Variants in CUBN observed in about 807,000 individuals in gnomAD.
CUBN encodes the protein cubilin.
A neutral mutation model predicts 405.3 loss-of-function variants in CUBN; 282 were observed. That is an observed-to-expected ratio of 0.70 (90% CI 0.63 to 0.77). The LOEUF (loss-of-function observed/expected upper bound fraction) is 0.77. Ranked by LOEUF, CUBN falls within the 30% of genes least tolerant of loss-of-function variation. The pLI is 0.00. For missense variants in CUBN, 4,514 were observed against 4,475.2 expected (o/e 1.01, Z -0.25); for synonymous variants, 1,684 against 1,617.0 (o/e 1.04, Z -0.99).
intron 66 of CUBN, among the ~76,000 whole-genome samples, chr10:16,827,107 T>C (rs982038418): frequency 6.6e-6 from 1 of 152,180 alleles, no homozygotes; most frequent in Non-Finnish European, 1.5e-5. Context: ...AATGTAACTA[T>C]ATGTATAAAG....
chr10:16,891,887 A>C (rs1197957369), intron 54 of CUBN, among the ~76,000 whole-genome samples: 4 of 151,810 alleles, frequency 2.6e-5, no homozygotes, highest in East Asian at 3.9e-4. Flanking sequence ...ATTGCTACAC[A>C]ATCTGCAATA....
chr10:17,055,576 T>C (rs534520544), intron 22 of CUBN, among the ~76,000 whole-genome samples: 5 of 152,094 alleles, frequency 3.3e-5, no homozygotes, highest in Admixed American at 6.6e-5. Context: ...GACTGCAGAA[T>C]ACAAGATATG....
At chr10:16,889,910 C>T (rs1373239835) in intron 55 of CUBN, among the ~76,000 whole-genome samples, 1 of 128,458 alleles carries the variant, frequency 7.8e-6, no homozygotes, top group African/African-American at 3.9e-5. Context: ...GCACTCCAGC[C>T]TGGCGACAGA....
Position 16,892,167 on chromosome 10 carries a change from A to T in CUBN, c.8599-1640T>A, listed in dbSNP as rs558425338. 5.9e-5 allele frequency among the ~76,000 whole-genome samples: 9 copies of T among 152,338 alleles called. No individual in the cohort carries two copies. In the East Asian group the frequency reaches 1.7e-3, roughly 29 times the overall value. On this transcript the variant is annotated intron_variant, in intron 54 of 66. Transcript: ENST00000377833. The stretch of plus-strand genomic sequence containing the variant: ...TGGTTTAATAATTCTCAGCTCTTTA[A>T]AGCCGTATTGTTTCAATTGATTTTT...
chr10:16,889,497 C>T (rs891751026), intron 55 of CUBN, among the ~76,000 whole-genome samples: 11 of 152,184 alleles, frequency 7.2e-5, no homozygotes, highest in African/African-American at 1.9e-4. Context: ...TAATAGTGTA[C>T]AATAGCTAGA....
At chr10:16,936,765 C>A (rs541935477) in intron 39 of CUBN, among the ~76,000 whole-genome samples, 2 of 152,210 alleles carry the variant, frequency 1.3e-5, no homozygotes, top group African/African-American at 4.8e-5. Context: ...CAGGCTGGAG[C>A]GCAGTGGCAT....
chr10:17,015,596 C>T lies in CUBN; in HGVS notation c.4168+4237G>A, dbSNP rs188401987. 6.6e-5 allele frequency among the ~76,000 whole-genome samples: 10 copies of T among 152,254 alleles called. No homozygotes were observed. In the East Asian group the frequency reaches 1.2e-3, roughly 18 times the overall value. On this transcript the variant is annotated intron_variant, in intron 28 of 66. Transcript: ENST00000377833. ...GTCCAGGAGGAAGTCAATTTCCTGG[C>T]CCTCAATGGTTAAATGTAACCGGGG... is the stretch of plus-strand genomic sequence containing the variant.
intron 31 of CUBN, among the ~76,000 whole-genome samples, chr10:16,975,272 G>C (rs1238797191): frequency 6.6e-6 from 1 of 152,184 alleles, no homozygotes; most frequent in African/African-American, 2.4e-5. Flanking sequence ...TCACATTTGA[G>C]GTTTCACTCC....
intron 8 of CUBN, among the ~76,000 whole-genome samples, chr10:17,113,542 T>C (rs1588651405): frequency 6.6e-6 from 1 of 152,174 alleles, no homozygotes; most frequent in African/African-American, 2.4e-5. Context: ...ACTCAACATA[T>C]GGCATCCCTG....
intron 22 of CUBN, among the ~76,000 whole-genome samples, chr10:17,051,375 A>AACAAT (rs1835264416): frequency 1.3e-5 from 2 of 152,148 alleles, no homozygotes; most frequent in African/African-American, 4.8e-5. Flanking sequence ...AACAAAACAA[A>AACAAT]AAATGAGAAA....
At chr10:17,035,257 A>C (rs2131808545) in intron 27 of CUBN, among the ~76,000 whole-genome samples, 2 of 152,304 alleles carry the variant, frequency 1.3e-5, no homozygotes, top group Middle Eastern at 3.4e-3. Context: ...GGCTCCATGG[A>C]ACTTTCTGAC....
chr10:16,837,696 A>G (rs763287219), intron 62 of CUBN, among the ~76,000 whole-genome samples: 4 of 151,996 alleles, frequency 2.6e-5, no homozygotes, highest in African/African-American at 4.8e-5. Flanking sequence ...TGATCTGCCA[A>G]TTAGGGCTGC....
In CUBN at chr10:17,041,235, G is replaced by T; in HGVS notation, c.3830-15C>A. ...ATTCTCACATGCTGGAAAAAGAAATGACTGTTAAGAACCACTATTATATAC... is the reference window on the plus strand; with the variant it reads ...ATTCTCACATGCTGGAAAAAGAAATTACTGTTAAGAACCACTATTATATAC... On this transcript the variant is annotated splice_polypyrimidine_tract_variant and intron_variant, in intron 26 of 66. Transcript: ENST00000377833. The T allele has an allele frequency of 1.2e-6, 2 of 1,606,360 alleles. No individual in the cohort carries two copies. The highest frequency in any genetic ancestry group is 2.2e-5 in the South Asian group (2 of 90,896).
At chr10:16,886,542 C>A (rs1840819663) in intron 56 of CUBN, among the ~76,000 whole-genome samples, 1 of 119,176 alleles carries the variant, frequency 8.4e-6, no homozygotes, top group African/African-American at 2.5e-5. Context: ...ATTTCCTTTC[C>A]ACTGTGTGAA....
chr10:16,899,029 G>A lies in CUBN; in HGVS notation c.8565C>T (p.Ser2855=), dbSNP rs201227730. The part of the protein sequence containing the change: ...ISFDNNFLIP[S]GDGQCQNSFV... ...AGCTATTCTGACATTGTCCATCACC[G>A]CTGGGGATTAGGAAGTTGTTGTCAA... The change falls in exon 54 of 67, where the codon AGC becomes AGT. Residue 2855 remains serine (S), a synonymous_variant. Coordinates refer to ENST00000377833, the MANE Select transcript of CUBN (RefSeq NM_001081.4). 3.0e-5 allele frequency: 49 copies of A among 1,612,972 alleles called. No individual in the cohort carries two copies. In the East Asian group the frequency reaches 6.7e-4, roughly 22 times the overall value.
At chr10:16,879,318 A>C (rs1287902685) in intron 56 of CUBN, among the ~76,000 whole-genome samples, 1 of 152,232 alleles carries the variant, frequency 6.6e-6, no homozygotes, top group Non-Finnish European at 1.5e-5. Flanking sequence ...GATGATTAAC[A>C]ATGTGAAATA....
chr10:16,840,564 A>T (rs1839316419), intron 61 of CUBN, 29 bp from the exon 62 acceptor site: 1 of 1,521,528 alleles, frequency 6.6e-7, no homozygotes, highest in Non-Finnish European at 9.0e-7. Context: ...GCAACACAGG[A>T]GACATTTTAT....
chr10:17,040,485 AG>A (rs1417270899), intron 27 of CUBN, among the ~76,000 whole-genome samples: 1 of 152,186 alleles, frequency 6.6e-6, no homozygotes, highest in Non-Finnish European at 1.5e-5. Context: ...CTTATATTCA[AG>A]GTTGCCTAAT....
intron 31 of CUBN, among the ~76,000 whole-genome samples, chr10:16,971,694 C>A (rs969359895): frequency 6.6e-6 from 1 of 152,066 alleles, no homozygotes; most frequent in South Asian, 2.1e-4. Flanking sequence ...ACCAATCTGG[C>A]GCTTCTTGGT....
Sources: gnomAD v4.1 joint callset for allele counts (sites outside exome capture counted in the v4.1 genomes callset) on GRCh38, gnomAD v4.1.1 for gene constraint, MANE v1.5 for transcripts, NCBI Gene and HGNC (gene_info 2026-07-23, HGNC 2026-07-21) for gene names.